COL15A1: variants seen among roughly 807,000 people sequenced by gnomAD.
COL15A1 encodes the protein collagen type XV alpha 1 chain.
A neutral mutation model predicts 165.9 loss-of-function variants in COL15A1; 111 were observed. The ratio of observed to expected loss-of-function variants is 0.67; its 90% CI spans 0.57 to 0.78. The LOEUF is 0.78. Ranked by LOEUF, COL15A1 falls within the 30% of genes least tolerant of loss-of-function variation. The pLI, the probability that COL15A1 is intolerant of heterozygous loss-of-function variation, is 0.00. For missense variants in COL15A1, 1,745 were observed against 1,789.7 expected, an observed-to-expected ratio of 0.98 and a Z score of 0.45; for synonymous variants, 659 against 674.8, an observed-to-expected ratio of 0.98 and a Z score of 0.36.
At chr9:98,946,546 C>T (rs1322734136) in intron 2 of COL15A1, among the ~76,000 whole-genome samples, 2 of 152,192 alleles carry the variant, frequency 1.3e-5, no homozygotes, top group African/African-American at 4.8e-5. Flanking sequence ...TGGGCTCTGT[C>T]TTACAGAGGG....
chr9:99,019,574 A>G (rs1838993260), intron 11 of COL15A1, among the ~76,000 whole-genome samples: 1 of 151,302 alleles, frequency 6.6e-6, no homozygotes, highest in African/African-American at 2.4e-5. Context: ...TGACAGAGCC[A>G]GGCATGCTAT....
At chr9:98,982,259 C>T (rs371019301) in intron 2 of COL15A1, among the ~76,000 whole-genome samples, 2 of 152,166 alleles carry the variant, frequency 1.3e-5, no homozygotes, top group Non-Finnish European at 2.9e-5. Context: ...GCTGGGACTA[C>T]AGGCACACAT....
chr9:98,995,805 A>G (rs923918400), intron 5 of COL15A1, among the ~76,000 whole-genome samples: 2 of 152,242 alleles, frequency 1.3e-5, no homozygotes, highest in African/African-American at 4.8e-5. Flanking sequence ...AATATGGAAT[A>G]TTTATGTACT....
At chr9:99,031,550 T>C (rs1839213384) in intron 16 of COL15A1, among the ~76,000 whole-genome samples, 1 of 152,124 alleles carries the variant, frequency 6.6e-6, no homozygotes, top group African/African-American at 2.4e-5. Flanking sequence ...GTGCAGGCAG[T>C]TTTGCGGACA....
chr9:99,013,930 A>T (rs1440816014), intron 9 of COL15A1, among the ~76,000 whole-genome samples: 1 of 152,182 alleles, frequency 6.6e-6, no homozygotes, highest in Non-Finnish European at 1.5e-5. Flanking sequence ...GAAAGAAAAA[A>T]AGTTTTTAAG....
At chr9:98,962,938 T>A (rs1369193910) in intron 2 of COL15A1, among the ~76,000 whole-genome samples, 1 of 152,212 alleles carries the variant, frequency 6.6e-6, no homozygotes, top group African/African-American at 2.4e-5. Context: ...AGGTGCTCAA[T>A]AAATGCTTCT....
chr9:99,030,189 T>C (rs1384110254), intron 16 of COL15A1, among the ~76,000 whole-genome samples: 1 of 152,196 alleles, frequency 6.6e-6, no homozygotes, highest in Non-Finnish European at 1.5e-5. Context: ...ACCACGATGT[T>C]GTAACAGACG....
At chr9:99,036,754 A>G (rs1245836379) in intron 21 of COL15A1, among the ~76,000 whole-genome samples, 1 of 152,236 alleles carries the variant, frequency 6.6e-6, no homozygotes, top group Non-Finnish European at 1.5e-5. Flanking sequence ...AGGTAGGCCC[A>G]GATACCACCT....
intron 2 of COL15A1, among the ~76,000 whole-genome samples, chr9:98,972,247 G>A (rs1173412647): frequency 2.0e-5 from 3 of 152,134 alleles, no homozygotes; most frequent in Non-Finnish European, 4.4e-5. Flanking sequence ...CCAAAGCCCA[G>A]GCAGTTAGCC....
chr9:99,029,871 G>T (rs1839187439), intron 16 of COL15A1, among the ~76,000 whole-genome samples: 1 of 151,436 alleles, frequency 6.6e-6, no homozygotes, highest in African/African-American at 2.4e-5. Flanking sequence ...GTTGCAGTGA[G>T]CCGAGATCGT....
intron 35 of COL15A1, among the ~76,000 whole-genome samples, chr9:99,056,647 C>T (rs982971436): frequency 1.3e-5 from 2 of 152,158 alleles, no homozygotes; most frequent in Non-Finnish European, 2.9e-5. Flanking sequence ...CTGTCTAATT[C>T]TAGACCATTT....
chr9:99,015,371 G>C, intron 9 of COL15A1, 46 bp from the exon 10 acceptor site: 1 of 1,452,388 alleles, frequency 6.9e-7, no homozygotes, highest in Non-Finnish European at 9.7e-7. Context: ...ACTGAACCAG[G>C]GGCATGGGCG....
chr9:99,013,664 A>G lies in COL15A1; in HGVS notation c.1354-1753A>G, dbSNP rs373887676. Among the ~76,000 whole-genome samples the G allele has an allele frequency of 1.5e-4, 23 of 152,284 alleles. No homozygotes were observed. In the East Asian group the frequency reaches 3.9e-3, roughly 26 times the overall value. ...TAAGGTCAAATCCTCTCCCGGTATA[A>G]GGTAATCTCTGGTACCCCCAAAAGC... is the stretch of plus-strand genomic sequence containing the variant. On this transcript the variant is annotated intron_variant, in intron 9 of 41. Transcript: ENST00000375001.
intron 2 of COL15A1, 148 bp from the exon 3 acceptor site, chr9:98,985,417 C>A: frequency 1.3e-6 from 1 of 785,878 alleles, no homozygotes; most frequent in Non-Finnish European, 2.0e-6. Flanking sequence ...GGGTCGTTGT[C>A]AAAACGTTTG....
chr9:98,964,175 T>C (rs890495938), intron 2 of COL15A1, among the ~76,000 whole-genome samples: 5 of 152,238 alleles, frequency 3.3e-5, no homozygotes, highest in African/African-American at 1.2e-4. Flanking sequence ...AGGCTGGTCC[T>C]CCTGGGGTTC....
chr9:99,067,454 A>T (rs553438204), intron 40 of COL15A1, among the ~76,000 whole-genome samples: 88 of 152,332 alleles, frequency 5.8e-4, no homozygotes, highest in African/African-American at 1.9e-3. Context: ...AAACTAGGGC[A>T]CTTTGTCCTG....
Position 98,987,368 on chromosome 9 carries a change from G to T in COL15A1, c.723G>T (p.Ser241=), listed in dbSNP as rs199838728. The change falls in exon 4 of 42, where the codon TCG becomes TCT. Residue 241 remains serine, a splice_region_variant and synonymous_variant. Coordinates refer to ENST00000375001, the MANE Select transcript of COL15A1 (RefSeq NM_001855.5). The part of the protein sequence containing the change: ...PEELCDPEES[S]ASGETSGLQE... ...AGCTGTGTGACCCTGAAGAGTCCTC[G>T]GTGAGCTCCCCTACTATCCCACAGT... The T allele has an allele frequency of 1.2e-6, 2 of 1,609,616 alleles. No individual in the cohort carries two copies. Among genetic ancestry groups the T allele is most frequent in the South Asian group, 2.2e-5 (2 of 90,486 alleles).
chr9:99,009,760 A>C (rs1838820421), intron 9 of COL15A1, among the ~76,000 whole-genome samples: 1 of 152,246 alleles, frequency 6.6e-6, no homozygotes, highest in Non-Finnish European at 1.5e-5. Context: ...TAATAAAAAC[A>C]ACAGGAGGCC....
rs1291273931 is a variant in COL15A1 at position 99,035,069 on chromosome 9, G to A, written c.2135G>A (p.Gly712Asp). Residue 712 changes from glycine to aspartate, a missense_variant, in exon 18 of 42, where the codon GGC becomes GAC. By Grantham distance (94) the Gly-to-Asp change is moderately conservative (BLOSUM62 -1). Transcript: ENST00000375001. ...PGPPGKKGQAGPPGVMGPPGP... is the reference protein window; with the variant it reads ...PGPPGKKGQADPPGVMGPPGP... ...CCCCCGGGGAAAAAGGGACAAGCTG[G>A]CCCTCCTGGGGTCATGGGACCCCCA... 1.2e-6 allele frequency: 2 copies of A among 1,610,254 alleles called. No individual in the cohort carries two copies. The highest frequency in any genetic ancestry group is 1.7e-5 in the Admixed American group (1 of 60,002).
Sources: gnomAD v4.1 joint callset for allele counts (sites outside exome capture counted in the v4.1 genomes callset) on GRCh38, gnomAD v4.1.1 for gene constraint, MANE v1.5 for transcripts, NCBI Gene and HGNC (gene_info 2026-07-23, HGNC 2026-07-21) for gene names.